PTPRM: variants seen among roughly 807,000 people sequenced by gnomAD.
PTPRM encodes the protein protein tyrosine phosphatase receptor type M, also known as receptor-type tyrosine-protein phosphatase mu.
In PTPRM, 47 loss-of-function variants were observed where a neutral mutation model predicts 186.7. The observed-to-expected ratio is 0.25, with a 90% CI of 0.20 to 0.32. The LOEUF (loss-of-function observed/expected upper bound fraction) is 0.32. PTPRM is among the 10% of genes least tolerant of loss of function. The probability of loss-of-function intolerance (pLI) is 1.00; values close to 1 mark genes in which losing one functional copy is unlikely to be tolerated. For synonymous variants in PTPRM, 668 were observed against 674.9 expected (o/e 0.99, Z 0.16); for missense variants, 1,494 against 1,865.0 (o/e 0.80, Z 3.66).
chr18:8,170,812 G>T (rs953474236), intron 14 of PTPRM, among the ~76,000 whole-genome samples: 1 of 152,134 alleles, frequency 6.6e-6, no homozygotes, highest in Non-Finnish European at 1.5e-5. Flanking sequence ...GCCATCAAAG[G>T]TGACTGGCTT....
At chr18:8,263,561 A>T (rs1405376662) in intron 19 of PTPRM, among the ~76,000 whole-genome samples, 2 of 152,216 alleles carry the variant, frequency 1.3e-5, no homozygotes, top group Non-Finnish European at 2.9e-5. Flanking sequence ...TTTTACTAAA[A>T]TCTAACTTGA....
chr18:7,867,719 T>C (rs2047782885), intron 2 of PTPRM, among the ~76,000 whole-genome samples: 1 of 152,212 alleles, frequency 6.6e-6, no homozygotes, highest in Admixed American at 6.5e-5. Context: ...GTGTTCTCTG[T>C]ATTTCCTGAA....
intron 14 of PTPRM, among the ~76,000 whole-genome samples, chr18:8,217,127 G>C (rs958629722): frequency 6.6e-6 from 1 of 152,202 alleles, no homozygotes; most frequent in African/African-American, 2.4e-5. Context: ...GTTAGTTTAA[G>C]TTGGAACATG....
Position 7,639,547 on chromosome 18 carries a change from T to C in PTPRM, c.73+71656T>C, listed in dbSNP as rs753190848. ...GATTACAGGCACCTGCCACCACGCC[T>C]GGCTGATTTTTGTATTTTTAGTAGA... On this transcript the variant is annotated intron_variant, in intron 1 of 32. Coordinates refer to ENST00000580170, the MANE Select transcript of PTPRM (RefSeq NM_001105244.2). 3.6e-4 allele frequency among the ~76,000 whole-genome samples: 54 copies of C among 151,692 alleles called. 1 individual carries two copies. Among genetic ancestry groups the C allele is most frequent in the Non-Finnish European group, 6.0e-4 (41 of 67,952 alleles).
At chr18:8,207,308 C>G (rs1490714438) in intron 14 of PTPRM, among the ~76,000 whole-genome samples, 6 of 152,144 alleles carry the variant, frequency 3.9e-5, no homozygotes, top group African/African-American at 1.4e-4. Flanking sequence ...ATAGCTTGCA[C>G]CACTACTCAA....
chr18:7,651,906 T>C (rs899466126), intron 1 of PTPRM, among the ~76,000 whole-genome samples: 19 of 150,662 alleles, frequency 1.3e-4, no homozygotes, highest in African/African-American at 4.4e-4. Context: ...ACAAATGGGA[T>C]CTAATTAAAC....
chr18:7,653,332 CT>C (rs1598303728), intron 1 of PTPRM, among the ~76,000 whole-genome samples: 3 of 151,938 alleles, frequency 2.0e-5, no homozygotes, highest in Admixed American at 2.0e-4. Flanking sequence ...TAAAATTTAA[CT>C]TTTAAGTTCT....
intron 14 of PTPRM, among the ~76,000 whole-genome samples, chr18:8,146,025 C>CTTTTTTTTT (rs33980345): frequency 9.1e-6 from 1 of 109,870 alleles, no homozygotes. Context: ...TCTTTCTTTT[C>CTTTTTTTTT]TTTTTTTTTT....
intron 23 of PTPRM, among the ~76,000 whole-genome samples, chr18:8,351,491 C>G (rs1444387381): frequency 6.6e-6 from 1 of 152,188 alleles, no homozygotes; most frequent in Non-Finnish European, 1.5e-5. Context: ...TCAGCCATTC[C>G]TGTGCACAAC....
chr18:8,247,898 G>A lies in PTPRM; in HGVS notation c.2506G>A (p.Val836Met), dbSNP rs764197090. 1.9e-6 allele frequency: 3 copies of A among 1,600,660 alleles called. No homozygotes were observed. The highest frequency in any genetic ancestry group is 2.6e-6 in the Non-Finnish European group (3 of 1,167,968). ...TMKTNTLSTSVPNSYYPDPFV... is the reference protein window; with the variant it reads ...TMKTNTLSTSMPNSYYPDPFV... ...GAAAACAAATACACTGAGCACATCGGTGCCTAATTCCTATTACCCAGGTAA... is the reference window on the plus strand; with the variant it reads ...GAAAACAAATACACTGAGCACATCGATGCCTAATTCCTATTACCCAGGTAA... The change falls in exon 16 of 33, where the codon GTG becomes ATG. Residue 836 changes from valine (V) to methionine (M), a missense_variant. By Grantham distance (21) the Val-to-Met change is conservative (BLOSUM62 1). Transcript: ENST00000580170.
At chr18:7,935,650 T>C (rs1038991162) in intron 5 of PTPRM, among the ~76,000 whole-genome samples, 1 of 152,150 alleles carries the variant, frequency 6.6e-6, no homozygotes, top group Middle Eastern at 3.2e-3. Flanking sequence ...AATTGGACTT[T>C]TTATTTTTAT....
chr18:7,947,208 G>T (rs2052593321), intron 5 of PTPRM, among the ~76,000 whole-genome samples: 1 of 152,190 alleles, frequency 6.6e-6, no homozygotes, highest in Admixed American at 6.5e-5. Context: ...CGGCGCTTGG[G>T]CGGGGCTGCA....
chr18:8,227,932 G>A (rs55662394), intron 14 of PTPRM, among the ~76,000 whole-genome samples: 805 of 152,252 alleles, frequency 5.3e-3, no homozygotes, highest in East Asian at 0.012. Flanking sequence ...CACTGTCACC[G>A]GTTCCAGCCC....
chr18:7,722,834 C>T (rs73391563), intron 1 of PTPRM, among the ~76,000 whole-genome samples: 9,858 of 152,118 alleles, frequency 0.065, 845 homozygotes, highest in African/African-American at 0.19. Context: ...GGACAGAGAG[C>T]TCATGTAAAT....
At chr18:8,127,276 GGGA>G (rs2092391807) in intron 13 of PTPRM, among the ~76,000 whole-genome samples, 2 of 152,146 alleles carry the variant, frequency 1.3e-5, no homozygotes, top group Non-Finnish European at 2.9e-5. Flanking sequence ...GCACATGCTA[GGGA>G]ACTTAAGGGA....
intron 7 of PTPRM, among the ~76,000 whole-genome samples, chr18:7,970,798 G>C (rs2054473981): frequency 3.3e-5 from 1 of 30,424 alleles, no homozygotes; most frequent in Non-Finnish European, 5.9e-5. Context: ...CACTGCTCAA[G>C]GAAATAAAAG....
At position 7,888,323 on chromosome 18, in the gene PTPRM, T is replaced by G. The variant is rs775801786; in HGVS notation, c.414T>G (p.Arg138=). The G allele has an allele frequency of 3.7e-6, 6 of 1,614,220 alleles. No homozygotes were observed. The highest frequency in any genetic ancestry group is 4.2e-6 in the Non-Finnish European group (5 of 1,180,034). Residue 138 remains arginine (R), a synonymous_variant, in exon 3 of 33, where the codon CGT becomes CGG. Coordinates refer to ENST00000580170, the MANE Select transcript of PTPRM (RefSeq NM_001105244.2). ...PIWNISGDPT[R]TWNRAELAIS... Reference sequence around the variant, plus strand: ...GGAATATATCTGGAGACCCAACACGTACATGGAACAGGGCAGAACTGGCCA... The same window carrying G: ...GGAATATATCTGGAGACCCAACACGGACATGGAACAGGGCAGAACTGGCCA...
At chr18:8,181,137 A>G (rs1444746520) in intron 14 of PTPRM, among the ~76,000 whole-genome samples, 1 of 152,236 alleles carries the variant, frequency 6.6e-6, no homozygotes, top group Non-Finnish European at 1.5e-5. Context: ...GACATTGCAG[A>G]TATAGCCATG....
chr18:7,758,135 G>C (rs529183967), intron 1 of PTPRM, among the ~76,000 whole-genome samples: 1 of 152,276 alleles, frequency 6.6e-6, no homozygotes, highest in African/African-American at 2.4e-5. Flanking sequence ...TCTGATGCAG[G>C]TGGCCAGTGA....
Sources: allele counts gnomAD v4.1 joint callset (sites outside exome capture counted in the v4.1 genomes callset), GRCh38; gene constraint gnomAD v4.1.1; transcripts MANE v1.5; gene names NCBI Gene and HGNC (gene_info 2026-07-23, HGNC 2026-07-21).